IL1RAPL1: variants seen among roughly 807,000 people sequenced by gnomAD.
IL1RAPL1 encodes the protein interleukin 1 receptor accessory protein like 1.
In IL1RAPL1, 3 loss-of-function variants were observed where a neutral mutation model predicts 48.4. The observed-to-expected ratio is 0.06, with a 90% CI of 0.03 to 0.16. The LOEUF (loss-of-function observed/expected upper bound fraction) is 0.16. Ranked by LOEUF, IL1RAPL1 falls within the 10% of genes least tolerant of loss-of-function variation. The pLI is 1.00. For missense variants in IL1RAPL1, 349 were observed against 530.6 expected (o/e 0.66, Z 3.36); for synonymous variants, 185 against 187.7 (o/e 0.99, Z 0.12).
chrX:28,698,913 A>G (rs1935264706), intron 1 of IL1RAPL1, among the ~76,000 whole-genome samples: 1 of 112,365 alleles, frequency 8.9e-6, no homozygotes, highest in South Asian at 3.6e-4. Flanking sequence ...GTTCAAGCAC[A>G]GAAATTACAG....
chrX:29,561,673 G>A (rs7049552), intron 5 of IL1RAPL1, among the ~76,000 whole-genome samples: 12,803 of 111,513 alleles, frequency 0.11, 849 homozygotes, highest in African/African-American at 0.25. Context: ...GGTGATGCAA[G>A]TAAAATGAAA....
chrX:29,885,491 C>T (rs758491817), intron 6 of IL1RAPL1, among the ~76,000 whole-genome samples: 12 of 111,281 alleles, frequency 1.1e-4, no homozygotes, highest in Non-Finnish European at 2.3e-4. Context: ...ATAGAAGTAA[C>T]TCAGTGAACA....
intron 3 of IL1RAPL1, among the ~76,000 whole-genome samples, chrX:29,323,713 TTATATATATATATATATATATATA>T (rs1172683563): frequency 4.6e-4 from 5 of 10,954 alleles, no homozygotes; most frequent in Admixed American, 1.5e-3. Context: ...ACTGAATTTT[TTATATATATATATATATATATATA>T]TATATATATA....
intron 2 of IL1RAPL1, among the ~76,000 whole-genome samples, chrX:28,797,303 C>A (rs1328084085): frequency 8.9e-6 from 1 of 112,142 alleles, no homozygotes; most frequent in Non-Finnish European, 1.9e-5. Context: ...CAAATTTCTG[C>A]AGCCAGCTTG....
chrX:29,288,525 G>A (rs1047028861), intron 3 of IL1RAPL1, among the ~76,000 whole-genome samples: 8 of 112,208 alleles, frequency 7.1e-5, no homozygotes, highest in African/African-American at 2.3e-4. Flanking sequence ...ATTCCATGGT[G>A]TATATGTACC....
chrX:28,876,383 G>A (rs1922373200), intron 2 of IL1RAPL1, among the ~76,000 whole-genome samples: 1 of 112,184 alleles, frequency 8.9e-6, no homozygotes, highest in Admixed American at 9.4e-5. Context: ...CCTGCCAAGG[G>A]CAAGGTGGCA....
In IL1RAPL1 at chrX:29,685,917, G is replaced by A. The variant is rs777346895; in HGVS notation, c.778+17413G>A. Among the ~76,000 whole-genome samples, 13 of 109,381 alleles carry A rather than the reference G, an allele frequency of 1.2e-4. No individual in the cohort carries two copies. The South Asian group carries it at 4.0e-3, about 34-fold the overall frequency. 95.0% of individuals were successfully genotyped at this position (109,381 alleles called of 115,157 possible). A position where few individuals can be genotyped will look rare whatever the true frequency, so the allele number is the denominator to read the frequency against. On this transcript the variant is annotated intron_variant, in intron 6 of 10. Coordinates refer to ENST00000378993, the MANE Select transcript of IL1RAPL1 (RefSeq NM_014271.4). ...GGAGAATCACTTGAACCTGGGAGGC[G>A]GAGGTTGCAGTGAGCCAAGATCATG...
At chrX:29,872,588 T>C (rs1193837657) in intron 6 of IL1RAPL1, among the ~76,000 whole-genome samples, 1 of 112,113 alleles carries the variant, frequency 8.9e-6, no homozygotes, top group Non-Finnish European at 1.9e-5. Context: ...TTCCAACAAG[T>C]GCTGGGCTAT....
intron 1 of IL1RAPL1, among the ~76,000 whole-genome samples, chrX:28,677,018 A>G (rs1935005137): frequency 8.9e-6 from 1 of 111,792 alleles, no homozygotes; most frequent in Non-Finnish European, 1.9e-5. Context: ...GTTCTACCTT[A>G]TAAAAGAATA....
intron 2 of IL1RAPL1, among the ~76,000 whole-genome samples, chrX:28,825,756 G>A (rs1269274082): frequency 9.0e-6 from 1 of 111,236 alleles, no homozygotes; most frequent in African/African-American, 3.3e-5. Flanking sequence ...CTGATAATAA[G>A]CAGTGAATAG....
At chrX:29,842,977 C>A (rs1931165567) in intron 6 of IL1RAPL1, among the ~76,000 whole-genome samples, 1 of 111,876 alleles carries the variant, frequency 8.9e-6, no homozygotes, top group Non-Finnish European at 1.9e-5. Context: ...CAGAACTATC[C>A]CTGTATTTCA....
intron 2 of IL1RAPL1, among the ~76,000 whole-genome samples, chrX:29,064,495 A>G (rs1927408130): frequency 8.9e-6 from 1 of 111,774 alleles, no homozygotes; most frequent in Middle Eastern, 4.7e-3. Context: ...TAAATCCATG[A>G]TGTATTTTAA....
chrX:29,791,299 G>T (rs1325395205), intron 6 of IL1RAPL1, among the ~76,000 whole-genome samples: 1 of 111,280 alleles, frequency 9.0e-6, no homozygotes, highest in African/African-American at 3.3e-5. Flanking sequence ...GGATCCTGGT[G>T]TATAATTCAT....
chrX:29,121,701 C>G (rs1383840147), intron 2 of IL1RAPL1, among the ~76,000 whole-genome samples: 1 of 111,720 alleles, frequency 9.0e-6, no homozygotes, highest in Non-Finnish European at 1.9e-5. Flanking sequence ...CAGTTGAGAC[C>G]ACTCAGATAA....
chrX:29,614,005 T>C (rs1449642027), intron 5 of IL1RAPL1, among the ~76,000 whole-genome samples: 2 of 109,792 alleles, frequency 1.8e-5, no homozygotes, highest in South Asian at 7.9e-4. Flanking sequence ...CCTCGTGATC[T>C]GCCCACCTCG....
intron 2 of IL1RAPL1, among the ~76,000 whole-genome samples, chrX:29,139,424 G>A (rs1001281744): frequency 3.6e-5 from 4 of 110,336 alleles, no homozygotes; most frequent in African/African-American, 1.3e-4. Flanking sequence ...ATATAATTCT[G>A]AGCACTCTTT....
chrX:29,819,147 T>A (rs1930556274), intron 6 of IL1RAPL1, among the ~76,000 whole-genome samples: 1 of 111,764 alleles, frequency 8.9e-6, no homozygotes, highest in Admixed American at 9.6e-5. Context: ...CATGCATGAA[T>A]GGGGCTGTAT....
At chrX:28,877,569 A>G (rs1181281551) in intron 2 of IL1RAPL1, among the ~76,000 whole-genome samples, 1 of 112,355 alleles carries the variant, frequency 8.9e-6, no homozygotes, top group Non-Finnish European at 1.9e-5. Flanking sequence ...AATGGACAAA[A>G]TGATGTAACT....
chrX:29,125,038 G>A (rs1327461014), intron 2 of IL1RAPL1, among the ~76,000 whole-genome samples: 4 of 112,241 alleles, frequency 3.6e-5, no homozygotes, highest in Non-Finnish European at 7.5e-5. Flanking sequence ...AGGGAAAGAG[G>A]AAGTAATGCT....
Sources: allele counts gnomAD v4.1 joint callset (sites outside exome capture counted in the v4.1 genomes callset), GRCh38; gene constraint gnomAD v4.1.1; transcripts MANE v1.5; gene names NCBI Gene and HGNC (gene_info 2026-07-23, HGNC 2026-07-21).